Variants in MIA2 observed in about 807,000 individuals in gnomAD.
MIA2 encodes the protein MIA SH3 domain ER export factor 2.
MIA2 carries 127 observed loss-of-function variants against 167.8 expected under a neutral mutation model. The observed-to-expected ratio is 0.76, with a 90% CI of 0.66 to 0.88. The LOEUF is 0.88. Ranked by LOEUF, MIA2 falls within the 40% of genes least tolerant of loss-of-function variation. The pLI is 0.00. For synonymous variants in MIA2, 552 were observed against 541.9 expected, an observed-to-expected ratio of 1.02 and a Z score of -0.26; for missense variants, 1,690 against 1,624.7, an observed-to-expected ratio of 1.04 and a Z score of -0.69.
intron 9 of MIA2, among the ~76,000 whole-genome samples, chr14:39,287,390 T>C (rs1370437367): frequency 6.6e-6 from 1 of 151,672 alleles, no homozygotes; most frequent in African/African-American, 2.4e-5. Flanking sequence ...AGTACTGTTT[T>C]GAATAGAAGT....
chr14:39,260,191 G>A (rs2055027175), intron 6 of MIA2, among the ~76,000 whole-genome samples: 1 of 152,184 alleles, frequency 6.6e-6, no homozygotes, highest in Non-Finnish European at 1.5e-5. Flanking sequence ...CATTATAGTA[G>A]CTTGATTTAT....
At chr14:39,300,906 A>G (rs551902508) in intron 14 of MIA2, among the ~76,000 whole-genome samples, 48 of 151,770 alleles carry the variant, frequency 3.2e-4, no homozygotes, top group African/African-American at 1.1e-3. Flanking sequence ...AGTTTTATTC[A>G]GAATTTGGCA....
rs187763401 is a variant in MIA2, at chr14:39,344,665, A to G, written c.3656-1239A>G. ...GAGTGATATATCCAACACTGATTCTATAAAGTCAATTAGAGGCAATTTGGG... is the reference window on the plus strand; with the variant it reads ...GAGTGATATATCCAACACTGATTCTGTAAAGTCAATTAGAGGCAATTTGGG... On this transcript the variant is annotated intron_variant, in intron 25 of 28. Transcript: ENST00000640607. 1.2e-4 allele frequency among the ~76,000 whole-genome samples: 18 copies of G among 152,292 alleles called. No individual in the cohort carries two copies. The South Asian group carries it at 1.2e-3, about 11-fold the overall frequency.
rs1300778465 is a variant in MIA2 at position 39,288,464 on chromosome 14, TA to T, written c.2131-2554del. The stretch of plus-strand genomic sequence containing the variant: ...ATATATATATATATATATATATATA[TA>T]TATATATATATTTTTTTTTTTTTTT... On this transcript the variant is annotated intron_variant, in intron 9 of 28. Transcript: ENST00000640607. Among the ~76,000 whole-genome samples the T allele has an allele frequency of 2.4e-3, 73 of 30,378 alleles. 2 individuals carry two copies. Among genetic ancestry groups the T allele is most frequent in the Middle Eastern group, 0.01 (1 of 100 alleles). The allele number at this position is 30,378 out of a possible 152,430, so 19.9% of individuals were successfully genotyped here.
At position 39,320,996 on chromosome 14, in the gene MIA2, C is replaced by A. The variant is rs2066313225; in HGVS notation, c.3436C>A (p.Pro1146Thr). The change falls in exon 24 of 29, where the codon CCA becomes ACA. Residue 1146 changes from proline (P) to threonine (T), a missense_variant. Pro to Thr is a conservative substitution (Grantham distance 38). Coordinates refer to ENST00000640607, the MANE Select transcript of MIA2 (RefSeq NM_001329214.4). ...SSETRAFLSP[P>T]TLLEGPLRLS... ...TGAAACAAGAGCTTTTCTCTCTCCT[C>A]CAACTTTGTTGGAGGGTCCACTCAG... The A allele has an allele frequency of 2.5e-6, 4 of 1,613,820 alleles. No homozygotes were observed. Among genetic ancestry groups the A allele is most frequent in the Non-Finnish European group, 3.4e-6 (4 of 1,179,770 alleles).
intron 18 of MIA2, among the ~76,000 whole-genome samples, chr14:39,311,705 G>T (rs1195801806): frequency 1.3e-5 from 2 of 151,602 alleles, no homozygotes; most frequent in Non-Finnish European, 2.9e-5. Flanking sequence ...GGCCAGGCTG[G>T]TCTCAAACTC....
intron 9 of MIA2, among the ~76,000 whole-genome samples, chr14:39,286,200 C>T (rs376462821): frequency 7.9e-5 from 12 of 152,210 alleles, no homozygotes; most frequent in East Asian, 3.9e-4. Context: ...CCCGGCACCT[C>T]GGGAGGCCGA....
In MIA2 at chr14:39,262,493, A is replaced by G. The variant is rs369854217; in HGVS notation, c.1887+9322A>G. Among the ~76,000 whole-genome samples the G allele has an allele frequency of 5.1e-4, 77 of 152,320 alleles. No homozygotes were observed. In the East Asian group the frequency reaches 0.012, roughly 24 times the overall value. ...CTTTTTGCTTAGGACTGTCTTGGCA[A>G]TGTGGGCTCTTTTTGGTTCCATATG... is the stretch of plus-strand genomic sequence containing the variant. On this transcript the variant is annotated intron_variant, in intron 6 of 28. Coordinates refer to ENST00000640607, the MANE Select transcript of MIA2 (RefSeq NM_001329214.4).
At chr14:39,337,213 G>A (rs545438762) in intron 25 of MIA2, among the ~76,000 whole-genome samples, 122 of 152,290 alleles carry the variant, frequency 8.0e-4, no homozygotes, top group African/African-American at 2.8e-3. Flanking sequence ...AACATTAATC[G>A]AAAGAAAATG....
rs1419019995 is a variant in MIA2, at chr14:39,267,235, C to T, written c.1888-9699C>T. On this transcript the variant is annotated intron_variant, in intron 6 of 28. Coordinates refer to ENST00000640607, the MANE Select transcript of MIA2 (RefSeq NM_001329214.4). ...GGTCGGGCTCGGACCTGCGCTGCCT[C>T]GGGATGTAAAGTATAACAAGAGGGT... The T allele has an allele frequency of 6.5e-6, 9 of 1,377,568 alleles. No homozygotes were observed. The East Asian group carries it at 8.5e-5, about 13-fold the overall frequency. The allele number at this position is 1,377,568 out of a possible 1,614,324, so 85.3% of individuals were successfully genotyped here.
At position 39,253,053 on chromosome 14, in the gene MIA2, T is replaced by G. The variant is rs1036173721; in HGVS notation, c.1787-18T>G. ...TATATAATATCATGCTAACATATTT[T>G]TATTTATAAATCAACAGAAGATGCT... On this transcript the variant is annotated intron_variant, in intron 5 of 28. Transcript: ENST00000640607. 6.4e-7 allele frequency: 1 copy of G among 1,573,580 alleles called. No homozygotes were observed. The highest frequency in any genetic ancestry group is 8.6e-7 in the Non-Finnish European group (1 of 1,157,668).
chr14:39,384,037 T>A (rs944760188), intron 23 of MIA2, among the ~76,000 whole-genome samples: 1 of 152,156 alleles, frequency 6.6e-6, no homozygotes, highest in Non-Finnish European at 1.5e-5. Flanking sequence ...AACAGCAGAT[T>A]TTCAGTGTAG....
chr14:39,350,161 C>A lies in MIA2; in HGVS notation c.4136C>A (p.Pro1379His). The A allele has an allele frequency of 2.1e-6, 3 of 1,396,612 alleles. No homozygotes were observed. The highest frequency in any genetic ancestry group is 2.9e-6 in the Non-Finnish European group (3 of 1,017,354). 86.5% of individuals were successfully genotyped at this position (1,396,612 alleles called of 1,614,324 possible). ...CTTCCCCCAAGACCTGGATTTTTCCCCCCACCCCCACATTCTGAAGGTAGA... is the reference window on the plus strand; with the variant it reads ...CTTCCCCCAAGACCTGGATTTTTCCACCCACCCCCACATTCTGAAGGTAGA... Reference protein sequence around the residue: ...PYLPPRPGFFPPPPHSEGRSE... With the variant: ...PYLPPRPGFFHPPPHSEGRSE... The change falls in exon 29 of 29, where the codon CCC becomes CAC. Residue 1379 changes from proline to histidine, a missense_variant. Coordinates refer to ENST00000640607, the MANE Select transcript of MIA2 (RefSeq NM_001329214.4).
chr14:39,257,233 G>T (rs1055250700), intron 6 of MIA2, among the ~76,000 whole-genome samples: 1 of 152,118 alleles, frequency 6.6e-6, no homozygotes, highest in African/African-American at 2.4e-5. Flanking sequence ...TCTCGTTGTA[G>T]GTCTCTAAGA....
intron 25 of MIA2, among the ~76,000 whole-genome samples, chr14:39,327,884 G>A (rs1053615091): frequency 2.0e-5 from 3 of 152,132 alleles, no homozygotes; most frequent in African/African-American, 7.2e-5. Context: ...GGGCATTTGG[G>A]TTGGTTCCAA....
At chr14:39,360,584 C>T (rs981485773) in intron 23 of MIA2, among the ~76,000 whole-genome samples, 1 of 151,308 alleles carries the variant, frequency 6.6e-6, no homozygotes, top group Non-Finnish European at 1.5e-5. Flanking sequence ...CATATATTTT[C>T]TCCCATTCAA....
rs946076178 is a variant in MIA2, at chr14:39,326,867, C to T, written c.3500C>T (p.Ser1167Leu). 1.3e-6 allele frequency: 2 copies of T among 1,565,824 alleles called. No individual in the cohort carries two copies. Among genetic ancestry groups the T allele is most frequent in the Non-Finnish European group, 1.7e-6 (2 of 1,162,518 alleles). The change falls in exon 25 of 29, where the codon TCA becomes TTA. Residue 1167 changes from serine (S) to leucine (L), a missense_variant. Coordinates refer to ENST00000640607, the MANE Select transcript of MIA2 (RefSeq NM_001329214.4). ...ATGTTTTTTTTTCTTTAATTAGGCTCACGAGGCCCAGGGAATCCTCTGGAC... is the reference window on the plus strand; with the variant it reads ...ATGTTTTTTTTTCTTTAATTAGGCTTACGAGGCCCAGGGAATCCTCTGGAC... ...PLLPGGGGRG[S>L]RGPGNPLDHQ...
chr14:39,241,815 G>A (rs992585892), intron 3 of MIA2, among the ~76,000 whole-genome samples: 6 of 152,068 alleles, frequency 3.9e-5, no homozygotes, highest in Non-Finnish European at 5.9e-5. Context: ...CCCTGGCTTC[G>A]CATTCCCACA....
At chr14:39,355,982 A>G (rs1441855985), downstream of MIA2, among the ~76,000 whole-genome samples, 4 of 152,082 alleles carry the variant, frequency 2.6e-5, no homozygotes, top group African/African-American at 9.7e-5. Context: ...TTTTTGCATC[A>G]ATGTTCATCA....
Sources: gnomAD v4.1 joint callset for allele counts (sites outside exome capture counted in the v4.1 genomes callset) on GRCh38, gnomAD v4.1.1 for gene constraint, MANE v1.5 for transcripts, NCBI Gene and HGNC (gene_info 2026-07-23, HGNC 2026-07-21) for gene names.